HK1: variants seen among roughly 807,000 people sequenced by gnomAD.
HK1 encodes hexokinase-1.
In HK1, 28 loss-of-function variants were observed where a neutral mutation model predicts 91.6. That is an observed-to-expected ratio of 0.31 (90% CI 0.23 to 0.42). The LOEUF (loss-of-function observed/expected upper bound fraction) is 0.42. Ranked by LOEUF, HK1 falls within the 10% of genes least tolerant of loss-of-function variation. The pLI, the probability that HK1 is intolerant of heterozygous loss-of-function variation, is 1.00. For synonymous variants in HK1, 430 were observed against 468.1 expected (o/e 0.92, Z 1.05); for missense variants, 770 against 1,219.8 (o/e 0.63, Z 5.49).
upstream of HK1, among the ~76,000 whole-genome samples, chr10:69,317,174 C>T (rs1032477822): frequency 1.3e-5 from 2 of 152,190 alleles, no homozygotes; most frequent in African/African-American, 4.8e-5. Context: ...AAGCTTTAAC[C>T]GCATTAACTT....
chr10:69,333,717 A>G (rs533145174), intron 1 of HK1, among the ~76,000 whole-genome samples: 66 of 152,248 alleles, frequency 4.3e-4, no homozygotes, highest in Non-Finnish European at 8.4e-4. Flanking sequence ...GGTTCATAAC[A>G]GCTACCTTAC....
At chr10:69,316,621 A>G (rs1846658912), upstream of HK1, among the ~76,000 whole-genome samples, 1 of 152,270 alleles carries the variant, frequency 6.6e-6, no homozygotes, top group African/African-American at 2.4e-5. Flanking sequence ...GCCTGCAAAC[A>G]GGACATTTCA....
At chr10:69,287,936 CAAG>C (rs143006357) in intron 2 of HK1, among the ~76,000 whole-genome samples, 5,426 of 143,454 alleles carry the variant, frequency 0.038, 310 homozygotes, top group African/African-American at 0.13. Context: ...ACCAGGGGTT[CAAG>C]ACCAGCTTGG....
upstream of HK1, among the ~76,000 whole-genome samples, chr10:69,313,362 G>T (rs573820353): frequency 2.0e-5 from 3 of 152,324 alleles, no homozygotes; most frequent in South Asian, 6.2e-4. Context: ...CTAAGATAAG[G>T]AGCTAGTGCC....
upstream of HK1, among the ~76,000 whole-genome samples, chr10:69,317,708 A>T (rs1846723010): frequency 6.6e-6 from 1 of 152,344 alleles, no homozygotes; most frequent in Admixed American, 6.5e-5. Flanking sequence ...TCCTAGATCT[A>T]CAACTTCCTG....
intron 1 of HK1, chr10:69,338,528 G>C: frequency 7.8e-7 from 1 of 1,289,716 alleles, no homozygotes; most frequent in Non-Finnish European, 1.0e-6. Context: ...TGCAGTGGAA[G>C]CAGCTGGAAG....
chr10:69,285,002 A>G (rs1657161724), intron 2 of HK1, among the ~76,000 whole-genome samples: 1 of 151,850 alleles, frequency 6.6e-6, no homozygotes, highest in Admixed American at 6.6e-5. Context: ...TATTTTTAGT[A>G]GAGACAGGGT....
intron 1 of HK1, among the ~76,000 whole-genome samples, chr10:69,280,081 G>A (rs539806964): frequency 1.3e-5 from 2 of 152,190 alleles, no homozygotes; most frequent in Admixed American, 6.5e-5. Context: ...TCAGATGGAG[G>A]TAGATTGCAT....
intron 2 of HK1, among the ~76,000 whole-genome samples, chr10:69,353,169 T>A (rs1848962195): frequency 6.6e-6 from 1 of 152,062 alleles, no homozygotes; most frequent in African/African-American, 2.4e-5. Flanking sequence ...AACCATGTGA[T>A]CAGAGGGTTG....
At chr10:69,328,838 CT>C (rs1047377926) in intron 1 of HK1, among the ~76,000 whole-genome samples, 26 of 151,514 alleles carry the variant, frequency 1.7e-4, no homozygotes, top group African/African-American at 5.3e-4. Flanking sequence ...CACTATCTAC[CT>C]TTTTTTTTCT....
At position 69,298,904 on chromosome 10, in the gene HK1, G is replaced by C. The variant is rs188603578; in HGVS notation, c.-66-1865G>C. On this transcript the variant is annotated intron_variant, in intron 4 of 21. Transcript: ENST00000360289. ...AGAGAATTAGCTAATGACACTACTA[G>C]GCCACCAAATTTTAAAATAGTTCAT... is the stretch of plus-strand genomic sequence containing the variant. Among the ~76,000 whole-genome samples the C allele has an allele frequency of 1.7e-3, 251 of 151,742 alleles. 8 individuals are homozygous for C. The highest frequency in any genetic ancestry group is 5.9e-3 in the African/African-American group (242 of 41,102).
Position 69,401,131 on chromosome 10 carries a change from G to C in HK1, c.2750G>C (p.Ser917Thr). Residue 917 changes from serine (S) to threonine (T), a missense_variant, in exon 18 of 18, where the codon AGC (serine) becomes ACC (threonine). Coordinates refer to ENST00000359426, the MANE Select transcript of HK1 (RefSeq NM_000188.3). ...VGVRLRTEAS[S>T] ...GTGCGGTTACGCACAGAGGCAAGCAGCTAAGAGTCCGGGATCCCCAGCCTA... is the reference window on the plus strand; with the variant it reads ...GTGCGGTTACGCACAGAGGCAAGCACCTAAGAGTCCGGGATCCCCAGCCTA... The C allele has an allele frequency of 6.2e-7, 1 of 1,613,606 alleles. No individual in the cohort carries two copies. The highest frequency in any genetic ancestry group is 8.5e-7 in the Non-Finnish European group (1 of 1,179,954).
intron 3 of HK1, among the ~76,000 whole-genome samples, chr10:69,362,738 G>A (rs1160674065): frequency 6.6e-6 from 1 of 152,238 alleles, no homozygotes; most frequent in Admixed American, 6.5e-5. Flanking sequence ...TCCCGAGGCT[G>A]CAGGAGAGTC....
At chr10:69,286,179 C>T (rs867944301) in intron 2 of HK1, among the ~76,000 whole-genome samples, 21 of 152,276 alleles carry the variant, frequency 1.4e-4, no homozygotes, top group Middle Eastern at 6.8e-3. Context: ...ATAAGGAGAA[C>T]ATCTATCTAC....
At chr10:69,276,118 A>AAAAAAAATATATATATATATATATAT in intron 1 of HK1, among the ~76,000 whole-genome samples, 1 of 38,262 alleles carries the variant, frequency 2.6e-5, no homozygotes, top group Non-Finnish European at 5.1e-5. Context: ...AAAAAAAAAA[A>AAAAAAAATATATATATATATATATAT]ATACATATAT....
chr10:69,276,658 TA>T (rs943358812), intron 1 of HK1, among the ~76,000 whole-genome samples: 36 of 150,604 alleles, frequency 2.4e-4, no homozygotes, highest in Admixed American at 1.3e-3. Context: ...GACTCTGTCT[TA>T]AAAAAAAATT....
intron 3 of HK1, among the ~76,000 whole-genome samples, chr10:69,292,930 G>T (rs189293419): frequency 6.6e-6 from 1 of 152,260 alleles, no homozygotes; most frequent in Non-Finnish European, 1.5e-5. Flanking sequence ...CCCTGAGATT[G>T]GTTGGGACCA....
At chr10:69,286,213 T>A (rs1845025322) in intron 2 of HK1, among the ~76,000 whole-genome samples, 1 of 152,164 alleles carries the variant, frequency 6.6e-6, no homozygotes, top group East Asian at 1.9e-4. Context: ...AATCATAAAT[T>A]ATAGCTGAGT....
chr10:69,279,300 G>A (rs996442732), intron 1 of HK1, among the ~76,000 whole-genome samples: 2 of 152,190 alleles, frequency 1.3e-5, no homozygotes, highest in African/African-American at 4.8e-5. Context: ...GGGACAACAT[G>A]CAAATATGGT....
Sources: gnomAD v4.1 joint callset for allele counts (sites outside exome capture counted in the v4.1 genomes callset) on GRCh38, gnomAD v4.1.1 for gene constraint, MANE v1.5 for transcripts, NCBI Gene and HGNC (gene_info 2026-07-23, HGNC 2026-07-21) for gene names.